CCNY: variants seen among roughly 807,000 people sequenced by gnomAD.
The protein encoded by CCNY is cyclin Y, also known as cyclin-Y.
In CCNY, 19 loss-of-function variants were observed where a neutral mutation model predicts 42.8. The observed-to-expected ratio is 0.44, with a 90% confidence interval of 0.31 to 0.65. The LOEUF (loss-of-function observed/expected upper bound fraction) is 0.65, where lower values mean the gene tolerates loss of function less well. Among genes scored for constraint, CCNY ranks in the 30% least tolerant of loss-of-function variants. The pLI, the probability that CCNY is intolerant of heterozygous loss-of-function variation, is 0.07. For synonymous variants in CCNY, 165 were observed against 162.7 expected, an observed-to-expected ratio of 1.01 and a Z score of -0.11; for missense variants, 370 against 437.3, an observed-to-expected ratio of 0.85 and a Z score of 1.37.
intron 1 of CCNY, among the ~76,000 whole-genome samples, chr10:35,346,838 G>A (rs933687230): frequency 2.0e-5 from 3 of 152,180 alleles, no homozygotes; most frequent in Non-Finnish European, 4.4e-5. Context: ...TGTTGCCCGG[G>A]CTGGTCTCGA....
At chr10:35,325,976 T>TGAGGTAG (rs1835875741) in intron 3 of CCNY, among the ~76,000 whole-genome samples, 1 of 151,950 alleles carries the variant, frequency 6.6e-6, no homozygotes, top group Non-Finnish European at 1.5e-5. Flanking sequence ...GGGAGGAGGC[T>TGAGGTAG]GAGGTAGGAG....
chr10:35,527,335 A>T (rs1840673068), intron 5 of CCNY, among the ~76,000 whole-genome samples: 2 of 152,238 alleles, frequency 1.3e-5, no homozygotes, highest in South Asian at 2.1e-4. Context: ...GATGAAGCTC[A>T]GTTGTGCTTT....
At chr10:35,424,601 C>T (rs1182968514) in intron 1 of CCNY, among the ~76,000 whole-genome samples, 1 of 152,166 alleles carries the variant, frequency 6.6e-6, no homozygotes, top group Non-Finnish European at 1.5e-5. Flanking sequence ...TATTTTCTCA[C>T]TCATCTCATT....
intron 3 of CCNY, among the ~76,000 whole-genome samples, chr10:35,253,874 G>GTTTT (rs34396120): frequency 1.5e-5 from 2 of 129,306 alleles, no homozygotes; most frequent in African/African-American, 2.9e-5. Flanking sequence ...TTGAGCAACT[G>GTTTT]TTTTTTTTTT....
In CCNY at chr10:35,307,689, T is replaced by C. The variant is rs148284098; in HGVS notation, c.-9+57063T>C. On this transcript the variant is annotated intron_variant, in intron 3 of 11. Transcript: ENST00000374706. The stretch of plus-strand genomic sequence containing the variant: ...ATGTATATATATATATACGTGTATA[T>C]CTACACGTGTATATATGTATATATA... 3.0e-4 allele frequency among the ~76,000 whole-genome samples: 45 copies of C among 151,426 alleles called. No individual in the cohort carries two copies. The East Asian group carries it at 6.8e-3, about 23-fold the overall frequency.
intron 1 of CCNY, among the ~76,000 whole-genome samples, chr10:35,411,235 G>A (rs1231398374): frequency 4.6e-5 from 7 of 152,104 alleles, no homozygotes; most frequent in Non-Finnish European, 5.9e-5. Context: ...GCGATAGGCC[G>A]GGTGCGGTGG....
intron 1 of CCNY, among the ~76,000 whole-genome samples, chr10:35,362,815 G>C (rs1836716220): frequency 6.6e-6 from 1 of 150,886 alleles, no homozygotes; most frequent in South Asian, 2.1e-4. Context: ...TCACTCCCCA[G>C]ATAGTTGGCG....
In CCNY at chr10:35,530,375, T is replaced by G; in HGVS notation, c.579+132T>G. The G allele has an allele frequency of 9.3e-7, 1 of 1,076,384 alleles. No individual in the cohort carries two copies. The highest frequency in any genetic ancestry group is 1.3e-6 in the Non-Finnish European group (1 of 746,836). 66.7% of individuals were successfully genotyped at this position (1,076,384 alleles called of 1,614,324 possible). A position where few individuals can be genotyped will look rare whatever the true frequency, so the allele number is the denominator to read the frequency against. On this transcript the variant is annotated intron_variant, in intron 7 of 9. Transcript: ENST00000374704. The surrounding 1 kb of genome is among the most constrained non-coding windows in gnomAD (Gnocchi z 4.3). ...CCCTGTGGACACCGTGGCATAAGCT[T>G]CAGTGTTGTCGTTCTCCTGGGAGAA...
chr10:35,380,571 A>G (rs1372372626), intron 1 of CCNY, among the ~76,000 whole-genome samples: 1 of 152,236 alleles, frequency 6.6e-6, no homozygotes, highest in Non-Finnish European at 1.5e-5. Context: ...ACCCAGATTT[A>G]GTAATTTTAA....
At chr10:35,324,777 G>A (rs1023923155) in intron 3 of CCNY, among the ~76,000 whole-genome samples, 37 of 152,232 alleles carry the variant, frequency 2.4e-4, no homozygotes, top group African/African-American at 8.2e-4. Context: ...AAGTTGAAAT[G>A]GGTCTGAAGA....
intron 1 of CCNY, among the ~76,000 whole-genome samples, chr10:35,408,186 T>G (rs1254737637): frequency 1.3e-5 from 2 of 152,172 alleles, no homozygotes; most frequent in African/African-American, 4.8e-5. Flanking sequence ...CTTGGGCTGG[T>G]TAGTCTGAGG....
Position 35,325,129 on chromosome 10 carries a change from T to G in CCNY, c.-9+74503T>G, listed in dbSNP as rs567282587. ...GGCAATCCCAGTTAAAATTTGATTTTAACTAAAAATTTAAACCTAATTATA... is the reference window on the plus strand; with the variant it reads ...GGCAATCCCAGTTAAAATTTGATTTGAACTAAAAATTTAAACCTAATTATA... On this transcript the variant is annotated intron_variant, in intron 3 of 11. Transcript: ENST00000374706. Among the ~76,000 whole-genome samples the G allele has an allele frequency of 2.0e-5, 3 of 152,364 alleles. No individual in the cohort carries two copies. The East Asian group carries it at 5.8e-4, about 29-fold the overall frequency.
At chr10:35,489,878 A>G (rs949595856) in intron 2 of CCNY, among the ~76,000 whole-genome samples, 1 of 152,246 alleles carries the variant, frequency 6.6e-6, no homozygotes, top group Non-Finnish European at 1.5e-5. Flanking sequence ...AATGTAGCAC[A>G]TGACTTTCAA....
intron 1 of CCNY, among the ~76,000 whole-genome samples, chr10:35,380,943 T>G (rs775548789): frequency 6.6e-6 from 1 of 152,208 alleles, no homozygotes; most frequent in Non-Finnish European, 1.5e-5. Context: ...GCAACTGACT[T>G]TCTGGGCTTG....
At chr10:35,397,172 A>G (rs1224125360) in intron 1 of CCNY, among the ~76,000 whole-genome samples, 1 of 152,236 alleles carries the variant, frequency 6.6e-6, no homozygotes, top group Non-Finnish European at 1.5e-5. Context: ...GCTAGTAGGA[A>G]ACCTTTGTAT....
At chr10:35,318,069 A>C (rs1038427689) in intron 3 of CCNY, among the ~76,000 whole-genome samples, 3 of 151,964 alleles carry the variant, frequency 2.0e-5, no homozygotes, top group African/African-American at 7.2e-5. Context: ...TTCTACAAAA[A>C]ATTTCAAAAT....
chr10:35,466,565 T>C (rs913243728), intron 1 of CCNY, among the ~76,000 whole-genome samples: 3 of 152,148 alleles, frequency 2.0e-5, no homozygotes, highest in Non-Finnish European at 4.4e-5. Context: ...CTATCAAGCC[T>C]CACACAGAAG....
upstream of CCNY, chr10:35,336,153 C>G (rs969601569): frequency 6.6e-6 from 1 of 152,188 alleles, no homozygotes; most frequent in Non-Finnish European, 1.5e-5. Context: ...AGCCTCAGCG[C>G]CCTGGGCCTG....
chr10:35,522,174 A>G (rs1012089243), intron 4 of CCNY, among the ~76,000 whole-genome samples: 3 of 152,196 alleles, frequency 2.0e-5, no homozygotes, highest in African/African-American at 7.2e-5. Flanking sequence ...CCACCTCTAC[A>G]CTGACAAGAA....
Sources: gnomAD v4.1 joint callset for allele counts (sites outside exome capture counted in the v4.1 genomes callset) on GRCh38, gnomAD v4.1.1 for gene constraint, Gnocchi (gnomAD v3.1) non-coding constraint, MANE v1.5 for transcripts, NCBI Gene and HGNC (gene_info 2026-07-23, HGNC 2026-07-21) for gene names.